Variants in ERAP1 observed in about 807,000 individuals in gnomAD.
The protein encoded by ERAP1 is endoplasmic reticulum aminopeptidase 1, also known as adipocyte-derived leucine aminopeptidase.
Under a neutral mutation model 103.7 loss-of-function variants are expected in ERAP1, and 86 were observed. The ratio of observed to expected loss-of-function variants is 0.83; its 90% confidence interval spans 0.70 to 0.99. The LOEUF (loss-of-function observed/expected upper bound fraction) is 0.99. ERAP1 is among the 50% of genes least tolerant of loss of function. The pLI is 0.00. For synonymous variants in ERAP1, 398 were observed against 402.4 expected (o/e 0.99, Z 0.13); for missense variants, 1,009 against 1,128.4 (o/e 0.89, Z 1.52).
chr5:96,805,574 G>C (rs866150531), intron 1 of ERAP1: 15 of 152,244 alleles, frequency 9.9e-5, no homozygotes, highest in African/African-American at 3.4e-4. Flanking sequence ...GCAATCTGGA[G>C]GCTAAACAGA....
the ERAP1 span, chr5:96,889,344 C>G: frequency 1.2e-6 from 2 of 1,611,424 alleles, no homozygotes; most frequent in Non-Finnish European, 1.7e-6. Flanking sequence ...CATTTTTGCT[C>G]ATAAAACTTG....
intron 19 of ERAP1, chr5:96,768,076 G>T (rs1770675276): frequency 2.1e-6 from 2 of 947,132 alleles, no homozygotes; most frequent in Non-Finnish European, 3.4e-6. Context: ...TTTATTTATT[G>T]ATTGATCTAT....
chr5:96,824,993 T>C, the ERAP1 span, among the ~76,000 whole-genome samples: 1 of 152,120 alleles, frequency 6.6e-6, no homozygotes, highest in Non-Finnish European at 1.5e-5. Context: ...TGGGCTGCGA[T>C]CATCACGCCA....
the ERAP1 span, among the ~76,000 whole-genome samples, chr5:96,862,928 T>C: frequency 6.6e-6 from 1 of 152,214 alleles, no homozygotes. Flanking sequence ...CAAAATGCCT[T>C]GGACCTTTCA....
At chr5:96,866,436 T>C in the ERAP1 span, among the ~76,000 whole-genome samples, 13,347 of 152,252 alleles carry the variant, frequency 0.088, 682 homozygotes, top group Middle Eastern at 0.15. Flanking sequence ...TAGACAAACA[T>C]CAGTGTTTGT....
chr5:96,806,489 T>G (rs1244486475), intron 1 of ERAP1, among the ~76,000 whole-genome samples: 1 of 152,222 alleles, frequency 6.6e-6, no homozygotes, highest in African/African-American at 2.4e-5. Flanking sequence ...TAGCCTATTA[T>G]TCTCATTCAA....
chr5:96,858,330 T>A, the ERAP1 span, among the ~76,000 whole-genome samples: 1 of 151,600 alleles, frequency 6.6e-6, no homozygotes, highest in Admixed American at 6.6e-5. Flanking sequence ...TTCTCCTGCC[T>A]CAGCTTCCCG....
At chr5:96,864,848 T>A in the ERAP1 span, among the ~76,000 whole-genome samples, 1 of 152,172 alleles carries the variant, frequency 6.6e-6, no homozygotes, top group African/African-American at 2.4e-5. Flanking sequence ...ATGTGTAAGT[T>A]AAAACTATAA....
chr5:96,785,791 A>T lies in ERAP1; in HGVS notation c.1940T>A (p.Val647Asp), dbSNP rs747842859. The T allele has an allele frequency of 2.3e-5, 37 of 1,613,972 alleles. No homozygotes were observed. Among genetic ancestry groups the T allele is most frequent in the Non-Finnish European group, 3.1e-5 (37 of 1,179,980 alleles). ...ASLINNAFQL[V>D]SIGKLSIEKA... ...GACTTTGTGCAGCGTGTATTACCTG[A>T]CGAGCTGAAATGCATTGTTAATGAG... The change falls in exon 13 of 19, where the codon GTC (valine) becomes GAC (aspartate). Residue 647 changes from valine to aspartate, a missense_variant. Transcript: ENST00000443439.
At chr5:96,809,125 G>C (rs1040346480), upstream of ERAP1, among the ~76,000 whole-genome samples, 1 of 152,220 alleles carries the variant, frequency 6.6e-6, no homozygotes, top group Non-Finnish European at 1.5e-5. Context: ...TGGTGAGACC[G>C]TAGCAGTGAC....
At chr5:96,776,707 A>G (rs1222614170) in intron 18 of ERAP1, among the ~76,000 whole-genome samples, 156 bp from the exon 19 acceptor site, 2 of 152,258 alleles carry the variant, frequency 1.3e-5, no homozygotes, top group East Asian at 3.8e-4. Flanking sequence ...CATAAGCTGT[A>G]TGAAATGAGC....
chr5:96,860,130 C>T, the ERAP1 span, among the ~76,000 whole-genome samples: 5 of 152,094 alleles, frequency 3.3e-5, no homozygotes, highest in Admixed American at 6.6e-5. Context: ...GGCATGATCT[C>T]GGCTCACTGC....
the ERAP1 span, among the ~76,000 whole-genome samples, chr5:96,839,438 A>C: frequency 6.6e-6 from 1 of 152,192 alleles, no homozygotes; most frequent in South Asian, 2.1e-4. Flanking sequence ...AGTGTGGCCC[A>C]AGGGGCCCAC....
the ERAP1 span, among the ~76,000 whole-genome samples, chr5:96,916,456 CTT>C: frequency 8.5e-4 from 83 of 97,614 alleles, no homozygotes; most frequent in South Asian, 9.2e-3. Flanking sequence ...TTCTAGTTAT[CTT>C]TTTTTTTTTT....
chr5:96,927,774 A>C, the ERAP1 span, among the ~76,000 whole-genome samples: 1 of 152,112 alleles, frequency 6.6e-6, no homozygotes, highest in Non-Finnish European at 1.5e-5. Context: ...TCCTTTGCCT[A>C]CTTTTAATTG....
At chr5:96,832,178 C>G in the ERAP1 span, among the ~76,000 whole-genome samples, 1 of 152,136 alleles carries the variant, frequency 6.6e-6, no homozygotes, top group East Asian at 1.9e-4. Flanking sequence ...AACAGACTCA[C>G]TATATTAACG....
chr5:96,863,897 T>C, the ERAP1 span, among the ~76,000 whole-genome samples: 2 of 152,312 alleles, frequency 1.3e-5, no homozygotes, highest in Admixed American at 6.5e-5. Flanking sequence ...TCACTTCTTA[T>C]GTGCTCTTTC....
the ERAP1 span, among the ~76,000 whole-genome samples, chr5:96,931,986 G>A: frequency 6.6e-6 from 1 of 152,226 alleles, no homozygotes; most frequent in Non-Finnish European, 1.5e-5. Context: ...CAAGGAATCT[G>A]AACTAGTATA....
At chr5:96,843,228 T>C in the ERAP1 span, among the ~76,000 whole-genome samples, 1 of 152,330 alleles carries the variant, frequency 6.6e-6, no homozygotes, top group African/African-American at 2.4e-5. Flanking sequence ...GGGGTTTAAA[T>C]ACCTTCTCGA....
Sources: allele counts gnomAD v4.1 joint callset (sites outside exome capture counted in the v4.1 genomes callset), GRCh38; gene constraint gnomAD v4.1.1; transcripts MANE v1.5; gene names NCBI Gene and HGNC (gene_info 2026-07-23, HGNC 2026-07-21).